The following PGLYRP2 variants were observed in gnomAD, a reference collection of about 807,000 sequenced individuals.
PGLYRP2 encodes the protein N-acetylmuramoyl-L-alanine amidase.
Under a neutral mutation model 46.2 loss-of-function variants are expected in PGLYRP2, and 38 were observed. The ratio of observed to expected loss-of-function variants is 0.82; its 90% CI spans 0.64 to 1.08. The LOEUF is 1.08. Among genes scored for constraint, PGLYRP2 ranks in the 50% least tolerant of loss-of-function variants. PGLYRP2 has a pLI of 0.00. For synonymous variants in PGLYRP2, 289 were observed against 329.4 expected (o/e 0.88, Z 1.33); for missense variants, 713 against 755.9 (o/e 0.94, Z 0.67).
At chr19:15,470,384 C>T (rs1970737074) in intron 3 of PGLYRP2, among the ~76,000 whole-genome samples, 1 of 151,640 alleles carries the variant, frequency 6.6e-6, no homozygotes. Flanking sequence ...GCCACCTCCA[C>T]CTCCCGGGTT....
chr19:15,473,470 C>CAAAAAAAAAAAAAAAAAAAAAAAAAAAAA (rs56053684), intron 2 of PGLYRP2, among the ~76,000 whole-genome samples: 1 of 36,478 alleles, frequency 2.7e-5, no homozygotes, highest in African/African-American at 1.0e-4. Context: ...AACTCTGTCT[C>CAAAAAAAAAAAAAAAAAAAAAAAAAAAAA]AAAAAAAAAA....
intron 3 of PGLYRP2, among the ~76,000 whole-genome samples, chr19:15,471,411 G>T (rs1422657496): frequency 2.2e-5 from 3 of 136,442 alleles, no homozygotes; most frequent in Admixed American, 7.3e-5. Context: ...ACTGCGCCTG[G>T]CCTTTTTAAG....
intron 1 of PGLYRP2, 108 bp downstream of exon 1, chr19:15,479,203 G>A (rs775620103): frequency 8.7e-5 from 100 of 1,155,264 alleles, no homozygotes; most frequent in Admixed American, 6.0e-4. Flanking sequence ...TTCTTTGAGA[G>A]CTTGAGTCTC....
chr19:15,469,001 G>A lies in PGLYRP2; in HGVS notation c.1642-249C>T, dbSNP rs919084548. 3.9e-6 allele frequency: 2 copies of A among 512,844 alleles called. No homozygotes were observed. The highest frequency in any genetic ancestry group is 1.9e-5 in the African/African-American group (1 of 52,304). 31.8% of individuals were successfully genotyped at this position (512,844 alleles called of 1,614,324 possible). ...ATTGTTTTAGTGATGGCGATCAAGG[G>A]CTGGGATGAGGTCATCAGGTCAAAG... On this transcript the variant is annotated intron_variant, in intron 4 of 4. Coordinates refer to ENST00000340880, the MANE Select transcript of PGLYRP2 (RefSeq NM_052890.4). The surrounding 1 kb of genome is among the most constrained non-coding windows in gnomAD (Gnocchi z 4.9).
At chr19:15,477,468 C>T (rs964186877) in intron 1 of PGLYRP2, among the ~76,000 whole-genome samples, 8 of 147,890 alleles carry the variant, frequency 5.4e-5, no homozygotes, top group South Asian at 2.1e-4. Context: ...GAGGCAGAGG[C>T]GGGTGGATCA....
In PGLYRP2 at chr19:15,475,722, G is replaced by C; in HGVS notation, c.948C>G (p.Ser316Arg). Residue 316 changes from serine to arginine, a missense_variant, in exon 2 of 5, where the codon AGC becomes AGG. Coordinates refer to ENST00000340880, the MANE Select transcript of PGLYRP2 (RefSeq NM_052890.4). ...AGVARDPGFRSNFRRQNGAAL... is the reference protein window; with the variant it reads ...AGVARDPGFRRNFRRQNGAAL... ...CAGCACCGTTCTGCCGTCGGAAGTT[G>C]CTGCGGAACCCTGGGTCTCTGGCCA... 6.2e-7 allele frequency: 1 copy of C among 1,614,102 alleles called. No individual in the cohort carries two copies. The highest frequency in any genetic ancestry group is 8.5e-7 in the Non-Finnish European group (1 of 1,179,966).
chr19:15,476,061 C>G lies in PGLYRP2; in HGVS notation c.609G>C (p.Leu203Phe). The stretch of plus-strand genomic sequence containing the variant: ...GTGGGGACTTGGCTTTGGCATCTGG[C>G]AAGGAAGCTTGGACATCTGGACAGC... ...TKGCPDVQASLPDAKAKSPPT... is the reference protein window; with the variant it reads ...TKGCPDVQASFPDAKAKSPPT... Residue 203 changes from leucine (L) to phenylalanine (F), a missense_variant, in exon 2 of 5, where the codon TTG becomes TTC. Transcript: ENST00000340880. The G allele has an allele frequency of 1.9e-6, 3 of 1,614,158 alleles. No individual in the cohort carries two copies. The highest frequency in any genetic ancestry group is 2.5e-6 in the Non-Finnish European group (3 of 1,180,036).
At position 15,470,926 on chromosome 19, in the gene PGLYRP2, T is replaced by G. The variant is rs556317524; in HGVS notation, c.1343+964A>C. ...CCCAAAGTGCTGGGATTACAGGCGT[T>G]AGCCACCGCTCCCGGCCTCCTTCTT... On this transcript the variant is annotated intron_variant, in intron 3 of 4. Coordinates refer to ENST00000340880, the MANE Select transcript of PGLYRP2 (RefSeq NM_052890.4). Among the ~76,000 whole-genome samples, 271 of 149,588 alleles carry G rather than the reference T, an allele frequency of 1.8e-3. 2 individuals carry two copies. Among genetic ancestry groups the G allele is most frequent in the Non-Finnish European group, 3.4e-3 (229 of 67,086 alleles).
At chr19:15,477,446 C>T (rs913228430) in intron 1 of PGLYRP2, among the ~76,000 whole-genome samples, 1 of 147,530 alleles carries the variant, frequency 6.8e-6, no homozygotes, top group Non-Finnish European at 1.5e-5. Flanking sequence ...GCCTGTAATC[C>T]CAGCACTTTA....
intron 4 of PGLYRP2, 109 bp from the exon 5 acceptor site, chr19:15,468,861 TGA>T: frequency 2.6e-6 from 2 of 768,508 alleles, no homozygotes; most frequent in Non-Finnish European, 2.1e-6. Flanking sequence ...TGGCCCAAAG[TGA>T]GAGAGTGAGG....
chr19:15,473,368 G>A (rs909645447), intron 2 of PGLYRP2, among the ~76,000 whole-genome samples: 2 of 149,952 alleles, frequency 1.3e-5, no homozygotes, highest in African/African-American at 4.9e-5. Flanking sequence ...TATGTGGGAG[G>A]CTGAGGCAGG....
At chr19:15,474,166 G>C (rs1218387723) in intron 2 of PGLYRP2, among the ~76,000 whole-genome samples, 1 of 152,010 alleles carries the variant, frequency 6.6e-6, no homozygotes, top group Non-Finnish European at 1.5e-5. Flanking sequence ...GTGAAACTCT[G>C]TCTCTACTAA....
chr19:15,471,103 C>CTTTTTTTT (rs71176418), intron 3 of PGLYRP2, among the ~76,000 whole-genome samples: 1 of 79,426 alleles, frequency 1.3e-5, no homozygotes, highest in African/African-American at 6.1e-5. Context: ...CCATGCCCAG[C>CTTTTTTTT]TTTTTTTTTT....
Position 15,469,384 on chromosome 19 carries a change from G to C in PGLYRP2, c.1641+248C>G. 1.4e-6 allele frequency: 1 copy of C among 708,420 alleles called. No homozygotes were observed. Among genetic ancestry groups the C allele is most frequent in the Non-Finnish European group, 2.6e-6 (1 of 390,806 alleles). 43.9% of individuals were successfully genotyped at this position (708,420 alleles called of 1,614,324 possible). A position where few individuals can be genotyped will look rare whatever the true frequency, so the allele number is the denominator to read the frequency against. The stretch of plus-strand genomic sequence containing the variant: ...GTAGAGGTATTAGGAGCTGGGGAAA[G>C]GACAGGCTGGCTGGGTCTGGGGCTG... On this transcript the variant is annotated intron_variant, in intron 4 of 4. Transcript: ENST00000340880. This position sits in a 1 kb window ranked among gnomAD's most constrained non-coding sequence, Gnocchi z 4.9.
chr19:15,469,311 G>T lies in PGLYRP2; in HGVS notation c.1641+321C>A. 1.6e-6 allele frequency: 1 copy of T among 632,324 alleles called. No individual in the cohort carries two copies. The highest frequency in any genetic ancestry group is 2.9e-6 in the Non-Finnish European group (1 of 347,572). The allele number at this position is 632,324 out of a possible 1,614,324, so 39.2% of individuals were successfully genotyped here. ...TGAAGGCCAGGCTGAGGTTGTGAGG[G>T]CAGAGGGGCTGTTGGCAGGTGTCAG... On this transcript the variant is annotated intron_variant, in intron 4 of 4. Transcript: ENST00000340880. The surrounding 1 kb of genome is among the most constrained non-coding windows in gnomAD (Gnocchi z 4.9).
intron 4 of PGLYRP2, 85 bp from the exon 5 acceptor site, chr19:15,468,837 C>T: frequency 9.4e-7 from 1 of 1,061,470 alleles, no homozygotes; most frequent in Non-Finnish European, 1.4e-6. Flanking sequence ...AACCCTGGAT[C>T]AGGGAGGGGA....
chr19:15,471,943 G>A lies in PGLYRP2; in HGVS notation c.1290C>T (p.Arg430=). ...TDFTRCAANM[R]SMQRYHQDTQ... is the part of the protein sequence containing the mutation. Reference sequence around the variant, plus strand: ...TGTCCTGGTGGTAGCGCTGCATGGAGCGCATGTTGGCTGCGCAGCGCGTGA... The same window carrying A: ...TGTCCTGGTGGTAGCGCTGCATGGAACGCATGTTGGCTGCGCAGCGCGTGA... Residue 430 remains arginine (R), a synonymous_variant, in exon 3 of 5, where the codon CGC becomes CGT. Coordinates refer to ENST00000340880, the MANE Select transcript of PGLYRP2 (RefSeq NM_052890.4). The A allele has an allele frequency of 6.2e-7, 1 of 1,614,136 alleles. No individual in the cohort carries two copies. The highest frequency in any genetic ancestry group is 1.1e-5 in the South Asian group (1 of 91,086).
chr19:15,476,309 C>T lies in PGLYRP2; in HGVS notation c.361G>A (p.Val121Met), dbSNP rs1970795514. 5 of 1,614,218 alleles carry T rather than the reference C, an allele frequency of 3.1e-6. No homozygotes were observed. The African/African-American group carries it at 5.3e-5, about 17-fold the overall frequency. The change falls in exon 2 of 5, where the codon GTG becomes ATG. Residue 121 changes from valine (V) to methionine (M), a missense_variant. Coordinates refer to ENST00000340880, the MANE Select transcript of PGLYRP2 (RefSeq NM_052890.4). ...VLAPDGSTVAVEPLLAGLEAG... is the reference protein window; with the variant it reads ...VLAPDGSTVAMEPLLAGLEAG... ...TCCAGCCCCGCCAGCAGAGGCTCCACAGCCACGGTCGAGCCATCAGGTGCC... is the reference window on the plus strand; with the variant it reads ...TCCAGCCCCGCCAGCAGAGGCTCCATAGCCACGGTCGAGCCATCAGGTGCC...
At chr19:15,475,488 C>T (rs778845674) in intron 2 of PGLYRP2, 50 bp downstream of exon 2, 18 of 1,492,328 alleles carry the variant, frequency 1.2e-5, no homozygotes, top group African/African-American at 2.8e-5. Context: ...GGGGTGGGGG[C>T]GTCTGTGTCT....
Sources: allele counts gnomAD v4.1 joint callset (sites outside exome capture counted in the v4.1 genomes callset), GRCh38; gene constraint gnomAD v4.1.1; non-coding constraint Gnocchi (gnomAD v3.1); transcripts MANE v1.5; gene names NCBI Gene and HGNC (gene_info 2026-07-23, HGNC 2026-07-21).